ZNF710: variants seen among roughly 807,000 people sequenced by gnomAD.
The protein encoded by ZNF710 is zinc finger protein 710.
A neutral mutation model predicts 50.6 loss-of-function variants in ZNF710; 13 were observed. That is an observed-to-expected ratio of 0.26 (90% CI 0.17 to 0.41). ZNF710 has a LOEUF of 0.41. ZNF710 is among the 10% of genes least tolerant of loss of function. ZNF710 has a pLI of 1.00. For synonymous variants in ZNF710, 383 were observed against 397.0 expected, an observed-to-expected ratio of 0.96 and a Z score of 0.42; for missense variants, 721 against 936.6, an observed-to-expected ratio of 0.77 and a Z score of 3.01.
At chr15:90,030,914 G>A in intron 1 of ZNF710, among the ~76,000 whole-genome samples, 1 of 151,412 alleles carries the variant, frequency 6.6e-6, no homozygotes, top group Non-Finnish European at 1.5e-5. Flanking sequence ...AGCTACTTGG[G>A]AGGCTGAGGC....
chr15:90,018,216 T>G (rs1898509082), intron 1 of ZNF710, among the ~76,000 whole-genome samples: 1 of 150,572 alleles, frequency 6.6e-6, no homozygotes. Context: ...TCACCCAGAC[T>G]GGAGGACAGT....
chr15:90,060,562 T>C (rs1899974676), intron 1 of ZNF710, among the ~76,000 whole-genome samples: 1 of 148,360 alleles, frequency 6.7e-6, no homozygotes, highest in Non-Finnish European at 1.5e-5. Flanking sequence ...CTTAAAAAAA[T>C]AAAAAGTCAG....
chr15:90,005,884 T>A (rs950563598), intron 1 of ZNF710, among the ~76,000 whole-genome samples: 2 of 152,210 alleles, frequency 1.3e-5, no homozygotes, highest in Admixed American at 6.5e-5. Context: ...TGCATTCTTA[T>A]CCTCATTTGG....
rs72758619 is a variant in ZNF710, at chr15:90,067,135, G to C, written c.-3G>C. 9.4e-6 allele frequency: 15 copies of C among 1,587,770 alleles called. No individual in the cohort carries two copies. The highest frequency in any genetic ancestry group is 1.3e-5 in the Non-Finnish European group (15 of 1,164,724). ...CGATGCCCTCCTAGCTAGCCGTCACGGGATGGAGGGCTTCATGGACTCAGG... is the reference window on the plus strand; with the variant it reads ...CGATGCCCTCCTAGCTAGCCGTCACCGGATGGAGGGCTTCATGGACTCAGG... On this transcript the variant is annotated 5_prime_UTR_variant, in exon 2 of 5. Coordinates refer to ENST00000268154, the MANE Select transcript of ZNF710 (RefSeq NM_198526.4). This position sits in a 1 kb window ranked among gnomAD's most constrained non-coding sequence, Gnocchi z 8.1.
chr15:90,053,576 A>G (rs1596290585), intron 1 of ZNF710, among the ~76,000 whole-genome samples: 2 of 152,034 alleles, frequency 1.3e-5, no homozygotes, highest in South Asian at 4.2e-4. Context: ...CTGAGCTCAA[A>G]TGATCCTCCC....
At chr15:90,044,724 A>T (rs1350157005) in intron 1 of ZNF710, among the ~76,000 whole-genome samples, 1 of 152,170 alleles carries the variant, frequency 6.6e-6, no homozygotes, top group Non-Finnish European at 1.5e-5. Context: ...GAGAGCCGAC[A>T]TATGCTTGTC....
intron 1 of ZNF710, among the ~76,000 whole-genome samples, chr15:90,015,121 C>T (rs1567220873): frequency 2.0e-5 from 3 of 152,082 alleles, no homozygotes; most frequent in Admixed American, 6.6e-5. Context: ...GAACTCTTGA[C>T]CTCAGGTGAT....
intron 1 of ZNF710, among the ~76,000 whole-genome samples, chr15:90,038,359 G>A (rs753382068): frequency 1.4e-4 from 21 of 152,122 alleles, no homozygotes; most frequent in South Asian, 6.2e-4. Flanking sequence ...AAGAACCTTC[G>A]TCCAGATTCA....
chr15:90,042,323 T>A (rs1193907558), intron 1 of ZNF710, among the ~76,000 whole-genome samples: 2 of 151,914 alleles, frequency 1.3e-5, no homozygotes, highest in East Asian at 3.9e-4. Flanking sequence ...AAGGAAGGGT[T>A]TTCTTTCCCT....
chr15:90,067,817 G>C lies in ZNF710; in HGVS notation c.680G>C (p.Ser227Thr), dbSNP rs113149105. 5.2e-5 allele frequency: 83 copies of C among 1,583,190 alleles called. No homozygotes were observed. The African/African-American group carries it at 7.3e-4, about 14-fold the overall frequency. The stretch of plus-strand genomic sequence containing the variant: ...GAGCCACCCCACCTGGCCCCCCTGA[G>C]TGACCCCGAGGCCCCCAGCATGGAG... The part of the protein sequence containing the change: ...GFEPPHLAPL[S>T]DPEAPSMESP... The change falls in exon 2 of 5, where the codon AGT (serine) becomes ACT (threonine). Residue 227 changes from serine (S) to threonine (T), a missense_variant. Around this residue, in one of 3 missense-constraint regions of ZNF710, gnomAD observed 326 missense variants for 347.1 expected, o/e 0.94. Coordinates refer to ENST00000268154, the MANE Select transcript of ZNF710 (RefSeq NM_198526.4). The surrounding 1 kb of genome is among the most constrained non-coding windows in gnomAD (Gnocchi z 8.1).
At chr15:90,048,959 C>T (rs1256669542) in intron 1 of ZNF710, among the ~76,000 whole-genome samples, 1 of 152,194 alleles carries the variant, frequency 6.6e-6, no homozygotes, top group African/African-American at 2.4e-5. Flanking sequence ...TTCCCAGCAT[C>T]TCTGTCCTTC....
chr15:90,034,731 T>G lies in ZNF710; in HGVS notation c.-28-32379T>G, dbSNP rs1899064667. On this transcript the variant is annotated intron_variant, in intron 1 of 4. Transcript: ENST00000268154. This position sits in a 1 kb window ranked among gnomAD's most constrained non-coding sequence, Gnocchi z 4.0. ...TTGCAGGCCTTCTGAGCCTTCTTTG[T>G]TCTGGCCGTGGGTGGGGCACCCGGC... Among the ~76,000 whole-genome samples, 1 of 152,174 alleles carries G rather than the reference T, an allele frequency of 6.6e-6. No individual in the cohort carries two copies.
Position 90,067,712 on chromosome 15 carries a change from C to G in ZNF710, c.575C>G (p.Pro192Arg). The G allele has an allele frequency of 1.2e-6, 2 of 1,607,008 alleles. No individual in the cohort carries two copies. Among genetic ancestry groups the G allele is most frequent in the Non-Finnish European group, 1.7e-6 (2 of 1,176,780 alleles). Residue 192 changes from proline to arginine, a missense_variant, in exon 2 of 5, where the codon CCG becomes CGG. Coordinates refer to ENST00000268154, the MANE Select transcript of ZNF710 (RefSeq NM_198526.4). This position sits in a 1 kb window ranked among gnomAD's most constrained non-coding sequence, Gnocchi z 8.1. ...LNVAPYDPHF[P>R]APARDGFPEP... ...GTGGCCCCATATGACCCTCACTTCC[C>G]GGCCCCGGCCCGGGATGGCTTCCCC...
At chr15:90,073,946 T>C (rs558416836) in intron 3 of ZNF710, among the ~76,000 whole-genome samples, 170 bp from the exon 4 acceptor site, 2 of 139,644 alleles carry the variant, frequency 1.4e-5, no homozygotes, top group South Asian at 2.3e-4. Flanking sequence ...GCCGAGATCA[T>C]GCCACTGCAC....
rs1408921682 is a variant in ZNF710, at chr15:90,062,217, CCTTTCTCTCTCTCT to C, written c.-28-4890_-28-4877del. Among the ~76,000 whole-genome samples, 3 of 146,088 alleles carry C rather than the reference CCTTTCTCTCTCTCT, an allele frequency of 2.1e-5. No individual in the cohort carries two copies. Among genetic ancestry groups the C allele is most frequent in the Admixed American group, 6.8e-5 (1 of 14,794 alleles). On this transcript the variant is annotated intron_variant, in intron 1 of 4. Coordinates refer to ENST00000268154, the MANE Select transcript of ZNF710 (RefSeq NM_198526.4). The surrounding 1 kb of genome is among the most constrained non-coding windows in gnomAD (Gnocchi z 5.6). ...TCTCTTCATTTCTTCTCTCCCTCTC[CCTTTCTCTCTCTCT>C]CTCTCTGATATGTCCTCCCTTCCCC... is the stretch of plus-strand genomic sequence containing the variant.
At chr15:90,049,763 C>G (rs1426541409) in intron 1 of ZNF710, among the ~76,000 whole-genome samples, 1 of 152,240 alleles carries the variant, frequency 6.6e-6, no homozygotes, top group Non-Finnish European at 1.5e-5. Context: ...CTGCAGCCAA[C>G]AGGCTGCCTT....
intron 1 of ZNF710, among the ~76,000 whole-genome samples, chr15:90,007,569 T>G (rs1898170815): frequency 6.6e-6 from 1 of 151,840 alleles, no homozygotes; most frequent in African/African-American, 2.4e-5. Context: ...CTCACCCAAC[T>G]CTCTTGTTAT....
intron 1 of ZNF710, among the ~76,000 whole-genome samples, chr15:90,024,321 C>A (rs1041669893): frequency 2.6e-5 from 4 of 152,174 alleles, no homozygotes; most frequent in African/African-American, 9.6e-5. Flanking sequence ...CCCTGACTTT[C>A]TAGGAGTGTC....
chr15:90,046,104 G>GGA (rs2151501334), intron 1 of ZNF710, among the ~76,000 whole-genome samples: 1 of 152,322 alleles, frequency 6.6e-6, no homozygotes, highest in South Asian at 2.1e-4. Context: ...GCTCTCTGCA[G>GGA]AAGGAAGCTA....
Sources: gnomAD v4.1 joint callset for allele counts (sites outside exome capture counted in the v4.1 genomes callset) on GRCh38, gnomAD v4.1.1 for gene constraint, gnomAD v4.1.1 regional missense constraint, Gnocchi (gnomAD v3.1) non-coding constraint, MANE v1.5 for transcripts, NCBI Gene and HGNC (gene_info 2026-07-23, HGNC 2026-07-21) for gene names.